OR1J2: variants seen among roughly 807,000 people sequenced by gnomAD.
The protein encoded by OR1J2 is olfactory receptor family 1 subfamily J member 2, also known as olfactory receptor 1J2.
For missense variants in OR1J2, 304 were observed against 246.1 expected (o/e 1.24, Z -1.57); for synonymous variants, 142 against 99.7 (o/e 1.42, Z -2.52).
chr9:122,476,787 C>T, the OR1J2 span, among the ~76,000 whole-genome samples: 1 of 152,074 alleles, frequency 6.6e-6, no homozygotes, highest in South Asian at 2.1e-4. Flanking sequence ...CTCACTGCAA[C>T]CTCCGCCTCC....
chr9:122,474,197 C>T, the OR1J2 span, among the ~76,000 whole-genome samples: 2 of 152,172 alleles, frequency 1.3e-5, no homozygotes, highest in Admixed American at 6.5e-5. Flanking sequence ...AAACTGTATA[C>T]TTGTTGTCTG....
At chr9:122,519,202 C>G in the OR1J2 span, 6 of 1,614,000 alleles carry the variant, frequency 3.7e-6, no homozygotes, top group Non-Finnish European at 5.1e-6. Context: ...CCCATCTGGC[C>G]AGAGCAGCAG....
the OR1J2 span, among the ~76,000 whole-genome samples, chr9:122,491,678 A>G: frequency 2.6e-5 from 4 of 152,204 alleles, no homozygotes; most frequent in African/African-American, 4.8e-5. Flanking sequence ...GAGCAATGCA[A>G]ATAAAAGGTG....
chr9:122,484,728 T>G, the OR1J2 span, among the ~76,000 whole-genome samples: 1 of 151,928 alleles, frequency 6.6e-6, no homozygotes, highest in Non-Finnish European at 1.5e-5. Flanking sequence ...AAAAAAAAAG[T>G]AGGACAAGAA....
the OR1J2 span, among the ~76,000 whole-genome samples, chr9:122,560,655 C>T: frequency 6.6e-6 from 1 of 152,080 alleles, no homozygotes; most frequent in Non-Finnish European, 1.5e-5. Context: ...AATATTGACC[C>T]CCACTCTCTT....
the OR1J2 span, among the ~76,000 whole-genome samples, chr9:122,571,514 C>T: frequency 6.8e-6 from 1 of 148,008 alleles, no homozygotes; most frequent in Admixed American, 6.8e-5. Context: ...TTTGCCACTG[C>T]ACTCCAGCCT....
chr9:122,464,039 A>T, the OR1J2 span, among the ~76,000 whole-genome samples: 1 of 152,232 alleles, frequency 6.6e-6, no homozygotes, highest in African/African-American at 2.4e-5. Context: ...CTACCAGGTC[A>T]GCTAGAGAAA....
the OR1J2 span, among the ~76,000 whole-genome samples, chr9:122,573,869 A>T: frequency 6.6e-6 from 1 of 152,166 alleles, no homozygotes; most frequent in Non-Finnish European, 1.5e-5. Flanking sequence ...TGAGTTTCAC[A>T]GTTTTGCATC....
At chr9:122,467,619 A>G in the OR1J2 span, among the ~76,000 whole-genome samples, 1 of 152,214 alleles carries the variant, frequency 6.6e-6, no homozygotes, top group East Asian at 1.9e-4. Context: ...TTAACCTATT[A>G]AAACCCTTGC....
At chr9:122,555,906 G>A in the OR1J2 span, among the ~76,000 whole-genome samples, 1 of 152,138 alleles carries the variant, frequency 6.6e-6, no homozygotes, top group Non-Finnish European at 1.5e-5. Flanking sequence ...GTTTACATTG[G>A]AGTTCATTCT....
chr9:122,570,227 T>C, the OR1J2 span, among the ~76,000 whole-genome samples: 1 of 151,364 alleles, frequency 6.6e-6, no homozygotes, highest in Non-Finnish European at 1.5e-5. Flanking sequence ...ATGGTATTTC[T>C]AGTTCTAGAT....
chr9:122,484,173 G>GT, the OR1J2 span, among the ~76,000 whole-genome samples: 1 of 151,960 alleles, frequency 6.6e-6, no homozygotes, highest in Non-Finnish European at 1.5e-5. Context: ...TTTTTTGTTT[G>GT]TTTTTTTGAG....
the OR1J2 span, among the ~76,000 whole-genome samples, chr9:122,478,760 A>G: frequency 3.3e-5 from 5 of 152,192 alleles, no homozygotes; most frequent in Non-Finnish European, 5.9e-5. Flanking sequence ...AGATCCATAC[A>G]TAATTGCTCT....
At chr9:122,571,056 G>A in the OR1J2 span, among the ~76,000 whole-genome samples, 1 of 152,132 alleles carries the variant, frequency 6.6e-6, no homozygotes, top group Non-Finnish European at 1.5e-5. Flanking sequence ...GTGCATTGGT[G>A]CTATGTTTTC....
downstream of OR1J2, among the ~76,000 whole-genome samples, chr9:122,512,154 T>C (rs1828649339): frequency 6.6e-6 from 1 of 152,196 alleles, no homozygotes; most frequent in Non-Finnish European, 1.5e-5. Context: ...GTATCATTAG[T>C]GAAGTAGTGC....
chr9:122,455,948 CTA>C, the OR1J2 span, among the ~76,000 whole-genome samples: 3 of 152,156 alleles, frequency 2.0e-5, no homozygotes, highest in Non-Finnish European at 4.4e-5. Flanking sequence ...GTTGAAGAGA[CTA>C]TTCTTTCTCC....
chr9:122,532,351 G>T, the OR1J2 span, among the ~76,000 whole-genome samples: 575 of 152,250 alleles, frequency 3.8e-3, 2 homozygotes, highest in African/African-American at 0.013. Flanking sequence ...GCCTGCCTTT[G>T]CTGGTGTGTG....
chr9:122,449,170 A>C, the OR1J2 span, among the ~76,000 whole-genome samples: 1 of 152,094 alleles, frequency 6.6e-6, no homozygotes, highest in East Asian at 1.9e-4. Context: ...TGGGCACCAC[A>C]CTATGCACTG....
At chr9:122,566,867 T>C in the OR1J2 span, among the ~76,000 whole-genome samples, 32 of 152,204 alleles carry the variant, frequency 2.1e-4, no homozygotes, top group Non-Finnish European at 1.5e-5. Context: ...CAACCTCCCC[T>C]GTGTGAAATG....
Sources: gnomAD v4.1 joint callset for allele counts (sites outside exome capture counted in the v4.1 genomes callset) on GRCh38, gnomAD v4.1.1 for gene constraint, MANE v1.5 for transcripts, NCBI Gene and HGNC (gene_info 2026-07-23, HGNC 2026-07-21) for gene names.